Variants in GLRA1 observed in about 807,000 individuals in gnomAD.
The protein encoded by GLRA1 is glycine receptor alpha 1.
Under a neutral mutation model 48.3 loss-of-function variants are expected in GLRA1, and 37 were observed. That is an observed-to-expected ratio of 0.77 (90% CI 0.59 to 1.01). The LOEUF is 1.01. GLRA1 is among the 50% of genes least tolerant of loss of function. The probability of loss-of-function intolerance (pLI) is 0.00; values close to 1 mark genes in which losing one functional copy is unlikely to be tolerated. For synonymous variants in GLRA1, 196 were observed against 210.7 expected (o/e 0.93, Z 0.60); for missense variants, 427 against 571.0 (o/e 0.75, Z 2.57).
intron 2 of GLRA1, among the ~76,000 whole-genome samples, chr5:151,888,586 A>G (rs979005146): frequency 6.6e-6 from 1 of 152,202 alleles, no homozygotes; most frequent in Admixed American, 6.5e-5. Flanking sequence ...CCCAAACTGA[A>G]GTGCAGACAG....
chr5:151,880,262 T>G (rs1407558900), intron 3 of GLRA1, among the ~76,000 whole-genome samples: 1 of 152,242 alleles, frequency 6.6e-6, no homozygotes, highest in East Asian at 1.9e-4. Context: ...ACCAAAGACT[T>G]GCATACCTAT....
chr5:151,886,607 G>T, intron 3 of GLRA1, 114 bp downstream of exon 3: 1 of 816,596 alleles, frequency 1.2e-6, no homozygotes, highest in Non-Finnish European at 2.2e-6. Flanking sequence ...CTGGAGACTT[G>T]AGAAAAACCC....
rs115571733 is a variant in GLRA1 at position 151,910,112 on chromosome 5, C to T, written c.56+14382G>A. Among the ~76,000 whole-genome samples, 1,221 of 152,230 alleles carry T rather than the reference C, an allele frequency of 8.0e-3. 20 individuals are homozygous for T. Among genetic ancestry groups the T allele is most frequent in the African/African-American group, 0.028 (1,150 of 41,530 alleles). On this transcript the variant is annotated intron_variant, in intron 1 of 8. Coordinates refer to ENST00000274576, the MANE Select transcript of GLRA1 (RefSeq NM_000171.4). Reference sequence around the variant, plus strand: ...AACTTCCATTTGTTCAGAAAATTCTCCTAAATACACGAAATAGTTTCAGCT... The same window carrying T: ...AACTTCCATTTGTTCAGAAAATTCTTCTAAATACACGAAATAGTTTCAGCT...
At chr5:151,860,568 A>C (rs1468174999) in intron 3 of GLRA1, among the ~76,000 whole-genome samples, 2 of 152,194 alleles carry the variant, frequency 1.3e-5, no homozygotes, top group Non-Finnish European at 2.9e-5. Context: ...TCAAGAAGTG[A>C]AGGAGGGATG....
Position 151,822,858 on chromosome 5 carries a change from T to TA in GLRA1, c.1164dup (p.Asn389Ter). 6.2e-7 allele frequency: 1 copy of TA among 1,614,136 alleles called. No homozygotes were observed. Among genetic ancestry groups the TA allele is most frequent in the Admixed American group, 1.7e-5 (1 of 60,018 alleles). ...GGTGCAGGAGGGGGGTTGGTGGTGTTACTGTTGTTGGCGCCCTTGACTGAG... is the reference window on the plus strand; with the variant it reads ...GGTGCAGGAGGGGGGTTGGTGGTGTTAACTGTTGTTGGCGCCCTTGACTGAG... On this transcript the variant is annotated frameshift_variant, in exon 9 of 9. Coordinates refer to ENST00000274576, the MANE Select transcript of GLRA1 (RefSeq NM_000171.4). LOFTEE classifies it high-confidence loss of function.
chr5:151,879,100 G>T (rs113625340), intron 3 of GLRA1, among the ~76,000 whole-genome samples: 1 of 152,222 alleles, frequency 6.6e-6, no homozygotes, highest in Non-Finnish European at 1.5e-5. Context: ...AGCCACAGGG[G>T]CATAGCTGCC....
Position 151,855,126 on chromosome 5 carries a change from A to G in GLRA1, c.611T>C (p.Val204Ala). The part of the protein sequence containing the change: ...LIFEWQEQGA[V>A]QVADGLTLPQ... ...CAGAGTTAGTCCATCTGCTACCTGC[A>G]CGGCTCCCTGTTCCTGCCACTCAAA... The change falls in exon 6 of 9, where the codon GTG (valine) becomes GCG (alanine). Residue 204 changes from valine to alanine, a missense_variant. Coordinates refer to ENST00000274576, the MANE Select transcript of GLRA1 (RefSeq NM_000171.4). 1 of 1,613,906 alleles carries G rather than the reference A, an allele frequency of 6.2e-7. No individual in the cohort carries two copies. The highest frequency in any genetic ancestry group is 8.5e-7 in the Non-Finnish European group (1 of 1,179,804).
intron 3 of GLRA1, among the ~76,000 whole-genome samples, chr5:151,862,825 A>G (rs1027967549): frequency 6.6e-6 from 1 of 152,206 alleles, no homozygotes; most frequent in African/African-American, 2.4e-5. Flanking sequence ...GTTCTAGTCA[A>G]AACTCCATCC....
intron 7 of GLRA1, among the ~76,000 whole-genome samples, chr5:151,842,584 G>A (rs368287965): frequency 2.0e-5 from 3 of 152,126 alleles, no homozygotes; most frequent in African/African-American, 7.2e-5. Flanking sequence ...CACACATTAA[G>A]AATAGAAAAC....
At chr5:151,834,389 G>A (rs931393733) in intron 7 of GLRA1, among the ~76,000 whole-genome samples, 11 of 152,118 alleles carry the variant, frequency 7.2e-5, no homozygotes, top group East Asian at 1.9e-4. Flanking sequence ...GGTAAATAAC[G>A]AAATTAAGGC....
chr5:151,917,868 C>T (rs1238553533), intron 1 of GLRA1, among the ~76,000 whole-genome samples: 1 of 152,198 alleles, frequency 6.6e-6, no homozygotes, highest in African/African-American at 2.4e-5. Context: ...GGCTTGTTCT[C>T]CATGTGCCTG....
chr5:151,886,271 T>C (rs574597536), intron 3 of GLRA1, among the ~76,000 whole-genome samples: 1 of 152,302 alleles, frequency 6.6e-6, no homozygotes, highest in South Asian at 2.1e-4. Context: ...TCTTCTAGTG[T>C]AATAGATTCA....
chr5:151,883,131 G>GA (rs1206865852), intron 3 of GLRA1, among the ~76,000 whole-genome samples: 1 of 152,176 alleles, frequency 6.6e-6, no homozygotes, highest in Non-Finnish European at 1.5e-5. Context: ...TAAATAGGGA[G>GA]AAAACTATGT....
intron 3 of GLRA1, among the ~76,000 whole-genome samples, chr5:151,882,819 G>C (rs1177122211): frequency 1.3e-5 from 2 of 151,842 alleles, no homozygotes; most frequent in Non-Finnish European, 2.9e-5. Flanking sequence ...AGAAGCCAGT[G>C]AGGAAAAAAT....
At chr5:151,877,839 T>A (rs1472718224) in intron 3 of GLRA1, among the ~76,000 whole-genome samples, 1 of 152,198 alleles carries the variant, frequency 6.6e-6, no homozygotes, top group Non-Finnish European at 1.5e-5. Flanking sequence ...CCAATAAAGG[T>A]CTTTCTTTTG....
At chr5:151,896,694 T>A (rs1399518733) in intron 1 of GLRA1, among the ~76,000 whole-genome samples, 1 of 152,256 alleles carries the variant, frequency 6.6e-6, no homozygotes, top group South Asian at 2.1e-4. Flanking sequence ...ATTTTTGCCG[T>A]TTGTTCACCA....
chr5:151,878,692 G>A lies in GLRA1; in HGVS notation c.252+8029C>T, dbSNP rs1208707558. Reference sequence around the variant, plus strand: ...TAAAAGGTGCCAAAGTACAATTCAGGTTGTTTCTTCAGAAGGTGGAAGCCC... The same window carrying A: ...TAAAAGGTGCCAAAGTACAATTCAGATTGTTTCTTCAGAAGGTGGAAGCCC... On this transcript the variant is annotated intron_variant, in intron 3 of 8. Transcript: ENST00000274576. Among the ~76,000 whole-genome samples the A allele has an allele frequency of 2.6e-5, 4 of 152,168 alleles. No homozygotes were observed. The South Asian group carries it at 8.3e-4, about 31-fold the overall frequency.
chr5:151,890,780 G>C (rs1334983563), intron 2 of GLRA1, among the ~76,000 whole-genome samples: 1 of 152,186 alleles, frequency 6.6e-6, no homozygotes, highest in Non-Finnish European at 1.5e-5. Flanking sequence ...TTGTGACCCT[G>C]GTGAAGGCTT....
At chr5:151,850,536 A>G (rs1201989120) in intron 7 of GLRA1, 7 of 1,097,276 alleles carry the variant, frequency 6.4e-6, no homozygotes, top group African/African-American at 4.6e-5. Flanking sequence ...ATCCACGCTT[A>G]TGATCCCAAG....
Sources: allele counts gnomAD v4.1 joint callset (sites outside exome capture counted in the v4.1 genomes callset), GRCh38; gene constraint gnomAD v4.1.1; transcripts MANE v1.5; gene names NCBI Gene and HGNC (gene_info 2026-07-23, HGNC 2026-07-21).